The following AKAP9 variants were observed in gnomAD, a reference collection of about 807,000 sequenced individuals.
AKAP9 encodes A-kinase anchor protein 9.
A neutral mutation model predicts 488.5 loss-of-function variants in AKAP9; 311 were observed. That is an observed-to-expected ratio of 0.64 (90% CI 0.58 to 0.70). The LOEUF is 0.70. Ranked by LOEUF, AKAP9 falls within the 30% of genes least tolerant of loss-of-function variation. The probability of loss-of-function intolerance (pLI) is 0.00; values close to 1 mark genes in which losing one functional copy is unlikely to be tolerated. For synonymous variants in AKAP9, 1,462 were observed against 1,483.5 expected, an observed-to-expected ratio of 0.99 and a Z score of 0.33; for missense variants, 4,215 against 4,374.5, an observed-to-expected ratio of 0.96 and a Z score of 1.03.
chr7:92,048,899 T>C (rs914583598), intron 21 of AKAP9, among the ~76,000 whole-genome samples: 2 of 152,126 alleles, frequency 1.3e-5, no homozygotes, highest in East Asian at 3.9e-4. Flanking sequence ...TTTTCTTTTT[T>C]TCTAGTTCAT....
chr7:92,096,948 A>G lies in AKAP9; in HGVS notation c.9989A>G (p.Asp3330Gly). Residue 3330 changes from aspartate to glycine, a missense_variant, in exon 41 of 50, where the codon GAT becomes GGT. This residue lies in a region of AKAP9 where 1,476 missense variants were observed against 1,477.4 expected (regional missense o/e 1.00). Coordinates refer to ENST00000356239, the MANE Select transcript of AKAP9 (RefSeq NM_005751.5). Reference sequence around the variant, plus strand: ...TTGCACGCACAGCTGCAGAGCAGTGATGGTACTGGACAGTCTCGGCCACCC... The same window carrying G: ...TTGCACGCACAGCTGCAGAGCAGTGGTGGTACTGGACAGTCTCGGCCACCC... Reference protein sequence around the residue: ...RELHAQLQSSDGTGQSRPPLP... With the variant: ...RELHAQLQSSGGTGQSRPPLP... 2 of 1,614,242 alleles carry G rather than the reference A, an allele frequency of 1.2e-6. No individual in the cohort carries two copies. Among genetic ancestry groups the G allele is most frequent in the African/African-American group, 1.3e-5 (1 of 75,072 alleles).
At chr7:92,014,570 A>G (rs940773121) in intron 10 of AKAP9, among the ~76,000 whole-genome samples, 3 of 152,190 alleles carry the variant, frequency 2.0e-5, no homozygotes, top group Non-Finnish European at 2.9e-5. Flanking sequence ...CAGAGGTTGC[A>G]GTGAGTGGAG....
At chr7:92,070,741 T>C (rs1034765494) in intron 27 of AKAP9, among the ~76,000 whole-genome samples, 164 bp from the exon 28 acceptor site, 2 of 151,094 alleles carry the variant, frequency 1.3e-5, no homozygotes, top group African/African-American at 4.9e-5. Flanking sequence ...GGCCAACTTT[T>C]TTATTATTCA....
In AKAP9 at chr7:92,065,387, A is replaced by G. The variant is rs139963188; in HGVS notation, c.6134A>G (p.Asn2045Ser). Reference sequence around the variant, plus strand: ...TTTATAGAGCTGGAACAAGAAAAAAATACTGAACTAATGGATTTAAGACAG... The same window carrying G: ...TTTATAGAGCTGGAACAAGAAAAAAGTACTGAACTAATGGATTTAAGACAG... ...SRFIELEQEK[N>S]TELMDLRQQN... Residue 2045 changes from asparagine to serine, a missense_variant, in exon 25 of 50, where the codon AAT (asparagine) becomes AGT (serine). Physicochemically the swap from Asn to Ser is conservative, Grantham distance 46. Coordinates refer to ENST00000356239, the MANE Select transcript of AKAP9 (RefSeq NM_005751.5). The G allele has an allele frequency of 4.9e-4, 783 of 1,613,298 alleles. 2 individuals are homozygous for G. In the African/African-American group the frequency reaches 9.3e-3, roughly 19 times the overall value.
intron 3 of AKAP9, among the ~76,000 whole-genome samples, chr7:91,991,100 A>G (rs1263130372): frequency 6.6e-6 from 1 of 152,212 alleles, no homozygotes; most frequent in African/African-American, 2.4e-5. Flanking sequence ...TCAGGCATCT[A>G]CTGGGAGTCT....
At chr7:91,947,200 G>T (rs1047643017) in intron 1 of AKAP9, among the ~76,000 whole-genome samples, 1 of 151,820 alleles carries the variant, frequency 6.6e-6, no homozygotes, top group African/African-American at 2.4e-5. Flanking sequence ...GTGTGTGCTG[G>T]AGAGAGGGAG....
In AKAP9 at chr7:92,041,890, A is replaced by G. The variant is rs957324793; in HGVS notation, c.4918-156A>G. On this transcript the variant is annotated intron_variant, in intron 18 of 49. Transcript: ENST00000356239. ...AAAAAATATTTTAAATTTTGCATTG[A>G]TCTTTGTATATACTTTTAACCCCTT... 3 of 688,762 alleles carry G rather than the reference A, an allele frequency of 4.4e-6. No homozygotes were observed. In the Admixed American group the frequency reaches 9.0e-5, roughly 21 times the overall value. The allele number at this position is 688,762 out of a possible 1,614,324, so 42.7% of individuals were successfully genotyped here.
At position 92,001,841 on chromosome 7, in the gene AKAP9, GA is replaced by G; in HGVS notation, c.1926del (p.Asp643IlefsTer2). On this transcript the variant is annotated frameshift_variant, in exon 8 of 50. Transcript: ENST00000356239. LOFTEE classifies it high-confidence loss of function. ...SHEEELSKLKEDLEIEHRINI... is the reference protein window; with the variant it reads ...SHEEELSKLKXDLEIEHRINI... ...CGAAGAAGAGCTTTCCAAACTGAAG[GA>G]AGATTTAGAAATTGAACATCGAATA... is the stretch of plus-strand genomic sequence containing the variant. 2.5e-6 allele frequency: 4 copies of G among 1,613,312 alleles called. No individual in the cohort carries two copies. The highest frequency in any genetic ancestry group is 3.4e-6 in the Non-Finnish European group (4 of 1,179,534).
chr7:91,997,189 A>G (rs964404873), intron 7 of AKAP9, among the ~76,000 whole-genome samples: 2 of 152,226 alleles, frequency 1.3e-5, no homozygotes, highest in African/African-American at 4.8e-5. Context: ...TTTTTGTAGC[A>G]GGCCCTTGCA....
chr7:92,062,659 G>T (rs1206873115), intron 24 of AKAP9, among the ~76,000 whole-genome samples, 173 bp downstream of exon 24: 1 of 152,004 alleles, frequency 6.6e-6, no homozygotes, highest in Non-Finnish European at 1.5e-5. Context: ...AGCCAATCAT[G>T]TGGAATCAGG....
chr7:91,964,743 C>T (rs763879849), intron 1 of AKAP9, among the ~76,000 whole-genome samples: 13 of 151,972 alleles, frequency 8.6e-5, no homozygotes, highest in Non-Finnish European at 1.6e-4. Flanking sequence ...TAACACTTGC[C>T]CATTTCTCTC....
At chr7:91,965,817 A>G (rs1794372803) in intron 1 of AKAP9, among the ~76,000 whole-genome samples, 1 of 152,116 alleles carries the variant, frequency 6.6e-6, no homozygotes, top group Non-Finnish European at 1.5e-5. Context: ...CTTGTTGACC[A>G]TTTGTATGTA....
At position 92,062,283 on chromosome 7, in the gene AKAP9, A is replaced by G. The variant is rs1300964052; in HGVS notation, c.5774A>G (p.Asp1925Gly). The change falls in exon 24 of 50, where the codon GAT (aspartate) becomes GGT (glycine). Residue 1925 changes from aspartate to glycine, a missense_variant. By Grantham distance (94) the Asp-to-Gly change is moderately conservative. This residue lies in a region of AKAP9 where 2,361 missense variants were observed against 2,430.0 expected (regional missense o/e 0.97). Coordinates refer to ENST00000356239, the MANE Select transcript of AKAP9 (RefSeq NM_005751.5). ...TAATTTTGTATTATAGGCGTCATTG[A>G]TGGCTATGCAGATGAAAAAACTCTT... The part of the protein sequence containing the change: ...VELSKAEGVI[D>G]GYADEKTLFE... The G allele has an allele frequency of 6.2e-7, 1 of 1,612,108 alleles. No homozygotes were observed. Among genetic ancestry groups the G allele is most frequent in the Admixed American group, 1.7e-5 (1 of 59,982 alleles).
In AKAP9 at chr7:92,022,369, T is replaced by C; in HGVS notation, c.3952+17T>C. 1.3e-6 allele frequency: 2 copies of C among 1,495,188 alleles called. No individual in the cohort carries two copies. The highest frequency in any genetic ancestry group is 1.9e-6 in the Non-Finnish European group (2 of 1,071,858). The allele number at this position is 1,495,188 out of a possible 1,614,324, so 92.6% of individuals were successfully genotyped here. A position where few individuals can be genotyped will look rare whatever the true frequency, so the allele number is the denominator to read the frequency against. On this transcript the variant is annotated intron_variant, in intron 13 of 49. Coordinates refer to ENST00000356239, the MANE Select transcript of AKAP9 (RefSeq NM_005751.5). ...AAGACATTGGTAAATTTTGATCATA[T>C]ACCACAATGTGGTGTTTTTATAGCA...
At chr7:92,108,726 C>T (rs775518698) in intron 49 of AKAP9, 93 bp downstream of exon 49, 1 of 1,483,904 alleles carries the variant, frequency 6.7e-7, no homozygotes, top group African/African-American at 1.4e-5. Context: ...TTAGGATAAT[C>T]AAAGCTTCCA....
Position 92,002,135 on chromosome 7 carries a change from A to G in AKAP9, c.2218A>G (p.Thr740Ala), listed in dbSNP as rs1206997828. The change falls in exon 8 of 50, where the codon ACA (threonine) becomes GCA (alanine). Residue 740 changes from threonine (T) to alanine (A), a missense_variant. By Grantham distance (58) the Thr-to-Ala change is moderately conservative (BLOSUM62 0). Transcript: ENST00000356239. ...ILRQEEKEKG[T>A]LEQEVQELQL... ...CAGACAAGAAGAAAAAGAAAAGGGT[A>G]CACTTGAACAAGAAGTTCAAGAATT... 3 of 1,593,776 alleles carry G rather than the reference A, an allele frequency of 1.9e-6. No individual in the cohort carries two copies. Among genetic ancestry groups the G allele is most frequent in the Admixed American group, 1.8e-5 (1 of 55,232 alleles).
Position 92,002,496 on chromosome 7 carries a change from A to G in AKAP9, c.2579A>G (p.Asn860Ser). Residue 860 changes from asparagine (N) to serine (S), a missense_variant, in exon 8 of 50, where the codon AAC becomes AGC. Around this residue, in one of 5 missense-constraint regions of AKAP9, gnomAD observed 2,361 missense variants for 2,430.0 expected, o/e 0.97. Coordinates refer to ENST00000356239, the MANE Select transcript of AKAP9 (RefSeq NM_005751.5). ...TTTGCTGAAAAAAACTTTGAAGTTAACTATCAAGAGTTACAAGAGGAGTAT... is the reference window on the plus strand; with the variant it reads ...TTTGCTGAAAAAAACTTTGAAGTTAGCTATCAAGAGTTACAAGAGGAGTAT... ...FSFAEKNFEV[N>S]YQELQEEYAC... The G allele has an allele frequency of 6.2e-7, 1 of 1,611,308 alleles. No homozygotes were observed. Among genetic ancestry groups the G allele is most frequent in the Non-Finnish European group, 8.5e-7 (1 of 1,179,114 alleles).
intron 29 of AKAP9, 60 bp downstream of exon 29, chr7:92,077,067 T>A (rs775528525): frequency 2.1e-6 from 1 of 470,788 alleles, no homozygotes; most frequent in Non-Finnish European, 3.1e-6. Flanking sequence ...CCTATATTGC[T>A]TTATTATTAT....
At chr7:91,973,057 A>ATG (rs921026389) in intron 1 of AKAP9, among the ~76,000 whole-genome samples, 9 of 152,132 alleles carry the variant, frequency 5.9e-5, no homozygotes, top group Non-Finnish European at 1.2e-4. Flanking sequence ...GCATGTGTGT[A>ATG]TGTGTGTGTT....
Sources: gnomAD v4.1 joint callset for allele counts (sites outside exome capture counted in the v4.1 genomes callset) on GRCh38, gnomAD v4.1.1 for gene constraint, gnomAD v4.1.1 regional missense constraint, MANE v1.5 for transcripts, NCBI Gene and HGNC (gene_info 2026-07-23, HGNC 2026-07-21) for gene names.